Variants in MACF1 observed in about 807,000 individuals in gnomAD.
MACF1 encodes microtubule actin crosslinking factor 1.
In MACF1, 193 loss-of-function variants were observed where a neutral mutation model predicts 854.8. The ratio of observed to expected loss-of-function variants is 0.23; its 90% CI spans 0.20 to 0.25. MACF1 has a LOEUF of 0.25. Ranked by LOEUF, MACF1 falls within the 10% of genes least tolerant of loss-of-function variation. MACF1 has a pLI of 1.00. For synonymous variants in MACF1, 3,185 were observed against 3,226.7 expected (o/e 0.99, Z 0.44); for missense variants, 7,722 against 8,929.1 (o/e 0.86, Z 5.45).
At chr1:39,482,993 G>T (rs1161949600) in intron 99 of MACF1, among the ~76,000 whole-genome samples, 4 of 149,236 alleles carry the variant, frequency 2.7e-5, no homozygotes, top group Non-Finnish European at 5.9e-5. Flanking sequence ...GGCTGAGGTG[G>T]GAGGATTGCT....
At chr1:39,180,981 C>T (rs1644097977) in intron 2 of MACF1, among the ~76,000 whole-genome samples, 1 of 152,236 alleles carries the variant, frequency 6.6e-6, no homozygotes, top group South Asian at 2.1e-4. Flanking sequence ...TCTCTGTTCA[C>T]TGCAGCCTCT....
At chr1:39,265,906 A>T (rs1034398309) in intron 6 of MACF1, among the ~76,000 whole-genome samples, 2 of 152,194 alleles carry the variant, frequency 1.3e-5, no homozygotes, top group Non-Finnish European at 2.9e-5. Flanking sequence ...AACCTTGTCT[A>T]CAATCCCAGT....
At chr1:39,352,958 T>C (rs374947676) in intron 43 of MACF1, 49 bp from the exon 44 acceptor site, 6 of 1,355,820 alleles carry the variant, frequency 4.4e-6, no homozygotes, top group African/African-American at 2.9e-5. Flanking sequence ...TGTGGTTGTA[T>C]GATTGAGTAT....
chr1:39,427,348 T>C (rs1425126924), intron 61 of MACF1, 107 bp from the exon 62 acceptor site: 1 of 900,662 alleles, frequency 1.1e-6, no homozygotes, highest in African/African-American at 1.7e-5. Flanking sequence ...TTACTATTGG[T>C]ATTTAAACTA....
At chr1:39,471,734 C>G (rs1644781697) in intron 97 of MACF1, among the ~76,000 whole-genome samples, 1 of 152,010 alleles carries the variant, frequency 6.6e-6, no homozygotes, top group Admixed American at 6.6e-5. Context: ...TGTTTTTGAT[C>G]ATTAGACATA....
At chr1:39,446,263 G>T (rs1644227571) in intron 80 of MACF1, among the ~76,000 whole-genome samples, 2 of 151,146 alleles carry the variant, frequency 1.3e-5, no homozygotes, top group South Asian at 4.2e-4. Context: ...TAGATATAAA[G>T]AATATAAAGA....
chr1:39,116,821 C>T (rs560998479), intron 2 of MACF1, among the ~76,000 whole-genome samples: 1 of 152,298 alleles, frequency 6.6e-6, no homozygotes, highest in South Asian at 2.1e-4. Context: ...CTTTAATCCC[C>T]ATCTCATTAT....
At chr1:39,130,024 C>T (rs1642957486) in intron 2 of MACF1, among the ~76,000 whole-genome samples, 1 of 152,072 alleles carries the variant, frequency 6.6e-6, no homozygotes, top group Non-Finnish European at 1.5e-5. Flanking sequence ...TCTCCTAATA[C>T]AATATTCTTT....
chr1:39,463,073 A>G (rs563624330), intron 93 of MACF1, among the ~76,000 whole-genome samples: 1 of 152,360 alleles, frequency 6.6e-6, no homozygotes, highest in East Asian at 1.9e-4. Context: ...TTGTATAGTC[A>G]CTTGGGAATT....
chr1:39,123,440 T>G (rs1264294475), intron 2 of MACF1, among the ~76,000 whole-genome samples: 2 of 151,892 alleles, frequency 1.3e-5, no homozygotes, highest in Non-Finnish European at 2.9e-5. Context: ...ACTGCTGACC[T>G]CAGATGATCC....
Position 39,335,909 on chromosome 1 carries a change from A to G in MACF1, c.9321A>G (p.Pro3107=), listed in dbSNP as rs761952349. The change falls in exon 37 of 101, where the codon CCA becomes CCG. Residue 3107 remains proline (P), a synonymous_variant. Coordinates refer to ENST00000564288, the MANE Select transcript of MACF1 (RefSeq NM_001394062.1). ...AQSEPFPCMT[P]RPEGLHYQES... The stretch of plus-strand genomic sequence containing the variant: ...GTGAACCATTCCCTTGTATGACCCC[A>G]AGACCTGAAGGATTGCACTACCAGG... 6 of 1,614,136 alleles carry G rather than the reference A, an allele frequency of 3.7e-6. No homozygotes were observed. The highest frequency in any genetic ancestry group is 1.7e-6 in the Non-Finnish European group (2 of 1,180,016).
At position 39,393,196 on chromosome 1, in the gene MACF1, AAT is replaced by A. The variant is rs1553345251; in HGVS notation, c.15816+4565_15816+4566del. ...CTGGGAAGGGTAAAAAAAAAAAAAA[AAT>A]ATATATATATATATATATATATATA... On this transcript the variant is annotated intron_variant, in intron 58 of 100. Transcript: ENST00000564288. 8.6e-3 allele frequency among the ~76,000 whole-genome samples: 574 copies of A among 66,542 alleles called. 12 individuals carry two copies. Among genetic ancestry groups the A allele is most frequent in the South Asian group, 0.014 (34 of 2,354 alleles). The allele number at this position is 66,542 out of a possible 152,430, so 43.7% of individuals were successfully genotyped here.
Position 39,448,041 on chromosome 1 carries a change from A to G in MACF1, c.19977A>G (p.Glu6659=), listed in dbSNP as rs1376829873. ...DARKRAKQFH[E]AWKKLIDWLE... is the part of the protein sequence containing the mutation. ...TTCTTATGTAATTTTAGTTCCATGAAGCTTGGAAAAAACTGATTGACTGGC... is the reference window on the plus strand; with the variant it reads ...TTCTTATGTAATTTTAGTTCCATGAGGCTTGGAAAAAACTGATTGACTGGC... The change falls in exon 83 of 101, where the codon GAA becomes GAG. Residue 6659 remains glutamate (E), a synonymous_variant. Coordinates refer to ENST00000564288, the MANE Select transcript of MACF1 (RefSeq NM_001394062.1). 2 of 1,614,112 alleles carry G rather than the reference A, an allele frequency of 1.2e-6. No individual in the cohort carries two copies. The highest frequency in any genetic ancestry group is 8.5e-7 in the Non-Finnish European group (1 of 1,179,998).
At chr1:39,380,170 A>C (rs1650053712) in intron 54 of MACF1, 74 bp from the exon 55 acceptor site, 6 of 1,503,986 alleles carry the variant, frequency 4.0e-6, no homozygotes, top group Non-Finnish European at 5.5e-6. Context: ...CCAGTTTTCC[A>C]ATCATTTCTA....
intron 58 of MACF1, chr1:39,412,008 T>G: frequency 6.2e-7 from 1 of 1,614,020 alleles, no homozygotes; most frequent in African/African-American, 1.3e-5. Context: ...GCCCCAGGAC[T>G]GCAGAATTTA....
intron 23 of MACF1, among the ~76,000 whole-genome samples, chr1:39,306,459 G>A (rs1000720400): frequency 1.3e-5 from 2 of 151,922 alleles, no homozygotes; most frequent in African/African-American, 4.8e-5. Context: ...TATAATTTTT[G>A]TTTCCTTGGA....
At chr1:39,462,829 A>C (rs1644582516) in intron 93 of MACF1, among the ~76,000 whole-genome samples, 1 of 152,232 alleles carries the variant, frequency 6.6e-6, no homozygotes, top group Non-Finnish European at 1.5e-5. Context: ...CAAATTTATT[A>C]GTGCCATCTA....
intron 1 of MACF1, among the ~76,000 whole-genome samples, chr1:39,219,640 A>G (rs758648613): frequency 2.6e-5 from 4 of 152,206 alleles, no homozygotes; most frequent in Non-Finnish European, 5.9e-5. Flanking sequence ...TTGCGCTTAC[A>G]TTGGGAACAT....
At chr1:39,381,728 G>A (rs768717367) in intron 55 of MACF1, among the ~76,000 whole-genome samples, 23 of 152,116 alleles carry the variant, frequency 1.5e-4, no homozygotes, top group Admixed American at 1.1e-3. Flanking sequence ...TACTTGGGAC[G>A]CTGAGGTGGG....
Sources: allele counts gnomAD v4.1 joint callset (sites outside exome capture counted in the v4.1 genomes callset), GRCh38; gene constraint gnomAD v4.1.1; transcripts MANE v1.5; gene names NCBI Gene and HGNC (gene_info 2026-07-23, HGNC 2026-07-21).